GTF2F2: variants seen among roughly 807,000 people sequenced by gnomAD.
GTF2F2 encodes ATP-dependent helicase GTF2F2.
GTF2F2 carries 23 observed loss-of-function variants against 42.2 expected under a neutral mutation model. That is an observed-to-expected ratio of 0.55 (90% CI 0.39 to 0.77). The LOEUF (loss-of-function observed/expected upper bound fraction) is 0.77, where lower values mean the gene tolerates loss of function less well. Ranked by LOEUF, GTF2F2 falls within the 30% of genes least tolerant of loss-of-function variation. GTF2F2 has a pLI of 0.00. For missense variants in GTF2F2, 261 were observed against 287.2 expected, an observed-to-expected ratio of 0.91 and a Z score of 0.66; for synonymous variants, 105 against 100.8, an observed-to-expected ratio of 1.04 and a Z score of -0.25.
At chr13:45,123,983 C>T (rs1593440437) in intron 1 of GTF2F2, 1 of 884,478 alleles carries the variant, frequency 1.1e-6, no homozygotes, top group South Asian at 1.4e-5. Context: ...TCCTCTTGTT[C>T]TGTCACTGGG....
intron 4 of GTF2F2, among the ~76,000 whole-genome samples, chr13:45,201,494 T>C (rs1028950351): frequency 2.0e-5 from 3 of 152,212 alleles, no homozygotes; most frequent in African/African-American, 7.2e-5. Context: ...ATCATTATTA[T>C]GGATGCTGAG....
intron 4 of GTF2F2, among the ~76,000 whole-genome samples, chr13:45,191,539 G>A (rs1274083009): frequency 1.3e-5 from 2 of 151,664 alleles, no homozygotes; most frequent in Admixed American, 1.3e-4. Context: ...TTCTTGAATG[G>A]AAAGTATTTC....
At chr13:45,279,650 G>A (rs1212776260) in intron 7 of GTF2F2, among the ~76,000 whole-genome samples, 1 of 152,178 alleles carries the variant, frequency 6.6e-6, no homozygotes, top group Non-Finnish European at 1.5e-5. Context: ...GCTCATGCCT[G>A]TAATCCTAGC....
At chr13:45,261,318 C>T (rs375665391) in intron 6 of GTF2F2, among the ~76,000 whole-genome samples, 12 of 149,606 alleles carry the variant, frequency 8.0e-5, no homozygotes, top group African/African-American at 2.7e-4. Context: ...CCCAGCTACT[C>T]GGGAGGCTGA....
At chr13:45,282,170 C>T (rs1466086910) in intron 7 of GTF2F2, among the ~76,000 whole-genome samples, 1 of 152,044 alleles carries the variant, frequency 6.6e-6, no homozygotes, top group East Asian at 1.9e-4. Flanking sequence ...TGCACTCCAG[C>T]TTGGGCAACA....
chr13:45,233,465 A>G (rs1248815250), intron 5 of GTF2F2, among the ~76,000 whole-genome samples: 3 of 152,140 alleles, frequency 2.0e-5, no homozygotes, highest in Non-Finnish European at 2.9e-5. Flanking sequence ...TTGAATGGCT[A>G]TTACTAGGAA....
intron 4 of GTF2F2, among the ~76,000 whole-genome samples, chr13:45,157,018 T>C (rs1388220273): frequency 6.6e-6 from 1 of 152,152 alleles, no homozygotes; most frequent in Non-Finnish European, 1.5e-5. Flanking sequence ...TAGAAGTTGA[T>C]AAATTTTCTG....
chr13:45,170,807 G>A (rs1871558660), intron 4 of GTF2F2, among the ~76,000 whole-genome samples: 1 of 152,148 alleles, frequency 6.6e-6, no homozygotes, highest in South Asian at 2.1e-4. Context: ...CAAGAGAAGG[G>A]TTGGAATGAA....
chr13:45,270,179 A>T (rs1876730202), intron 7 of GTF2F2, among the ~76,000 whole-genome samples: 1 of 152,146 alleles, frequency 6.6e-6, no homozygotes, highest in African/African-American at 2.4e-5. Flanking sequence ...AACTTTGCTT[A>T]GGGCCCGTCT....
chr13:45,120,553 G>T lies in GTF2F2; in HGVS notation c.-103G>T, dbSNP rs1868566259. ...GGCAGGTAAGGAACGCCGGCTCTTC[G>T]CCTCTCAGCGCGGCTTGTCCTTTGT... On this transcript the variant is annotated 5_prime_UTR_variant, in exon 1 of 8. Transcript: ENST00000340473. 2 of 779,866 alleles carry T rather than the reference G, an allele frequency of 2.6e-6. No individual in the cohort carries two copies. The highest frequency in any genetic ancestry group is 5.5e-5 in the East Asian group (2 of 36,408). 48.3% of individuals were successfully genotyped at this position (779,866 alleles called of 1,614,324 possible). A position where few individuals can be genotyped will look rare whatever the true frequency, so the allele number is the denominator to read the frequency against.
chr13:45,205,472 C>T (rs775447166), intron 4 of GTF2F2, among the ~76,000 whole-genome samples: 3 of 152,142 alleles, frequency 2.0e-5, no homozygotes, highest in East Asian at 1.9e-4. Flanking sequence ...CATTAATAAA[C>T]GTGGATATGT....
chr13:45,191,062 T>C (rs1362048925), intron 4 of GTF2F2, among the ~76,000 whole-genome samples: 3 of 151,288 alleles, frequency 2.0e-5, no homozygotes, highest in Non-Finnish European at 4.4e-5. Flanking sequence ...TACCACCATA[T>C]ATACATTTTA....
At chr13:45,232,482 T>A (rs1343695518) in intron 5 of GTF2F2, among the ~76,000 whole-genome samples, 1 of 151,776 alleles carries the variant, frequency 6.6e-6, no homozygotes, top group Non-Finnish European at 1.5e-5. Flanking sequence ...AAATTTTTTT[T>A]AAATTAGCTG....
rs146989117 is a variant in GTF2F2 at position 45,197,980 on chromosome 13, CAT to C, written c.305-9440_305-9439del. Among the ~76,000 whole-genome samples the C allele has an allele frequency of 2.8e-4, 43 of 152,348 alleles. No individual in the cohort carries two copies. In the East Asian group the frequency reaches 7.9e-3, roughly 28 times the overall value. On this transcript the variant is annotated intron_variant, in intron 4 of 7. Transcript: ENST00000340473. ...TTTTATCTGCCTTTGCAGGCAAAAA[CAT>C]ATAAAAATTTGAAAGATTGGGGTCC...
chr13:45,136,805 A>C lies in GTF2F2; in HGVS notation c.139A>C (p.Lys47Gln). The C allele has an allele frequency of 6.5e-7, 1 of 1,538,518 alleles. No homozygotes were observed. ...TGAAGTTGGGAAACTGCGGATTGCC[A>C]AGTAAGTTATTTACATATTCTTGAC... is the stretch of plus-strand genomic sequence containing the variant. ...RGEVGKLRIA[K>Q]TQGRTEVSFT... The change falls in exon 2 of 8, where the codon AAG becomes CAG. Residue 47 changes from lysine to glutamine, a missense_variant and splice_region_variant. Coordinates refer to ENST00000340473, the MANE Select transcript of GTF2F2 (RefSeq NM_004128.3).
intron 4 of GTF2F2, among the ~76,000 whole-genome samples, chr13:45,160,531 A>T (rs1870984033): frequency 6.6e-6 from 1 of 152,236 alleles, no homozygotes; most frequent in Admixed American, 6.5e-5. Context: ...GTAGCATCAT[A>T]CATCCATCAT....
At chr13:45,185,143 A>G (rs1872358557) in intron 4 of GTF2F2, among the ~76,000 whole-genome samples, 1 of 152,140 alleles carries the variant, frequency 6.6e-6, no homozygotes, top group African/African-American at 2.4e-5. Context: ...CATACCTGTC[A>G]CCTAGTGAAT....
chr13:45,228,889 C>A (rs913815159), intron 5 of GTF2F2, among the ~76,000 whole-genome samples: 1 of 152,018 alleles, frequency 6.6e-6, no homozygotes, highest in Non-Finnish European at 1.5e-5. Context: ...AGGTTGGTCT[C>A]GAACTTCCAG....
chr13:45,210,869 A>G (rs1337685352), intron 5 of GTF2F2, among the ~76,000 whole-genome samples: 3 of 152,236 alleles, frequency 2.0e-5, no homozygotes, highest in African/African-American at 7.2e-5. Context: ...CATTCTGGCC[A>G]TAGTATAAAG....
Sources: allele counts gnomAD v4.1 joint callset (sites outside exome capture counted in the v4.1 genomes callset), GRCh38; gene constraint gnomAD v4.1.1; transcripts MANE v1.5; gene names NCBI Gene and HGNC (gene_info 2026-07-23, HGNC 2026-07-21).